The following CDH20 variants were observed in gnomAD, a reference collection of about 807,000 sequenced individuals.
CDH20 encodes the protein cadherin-20.
Under a neutral mutation model 74.2 loss-of-function variants are expected in CDH20, and 29 were observed. That is an observed-to-expected ratio of 0.39 (90% CI 0.29 to 0.53). CDH20 has a LOEUF of 0.53. Among genes scored for constraint, CDH20 ranks in the 20% least tolerant of loss-of-function variants. The probability of loss-of-function intolerance (pLI) is 0.69; values close to 1 mark genes in which losing one functional copy is unlikely to be tolerated. For missense variants in CDH20, 988 were observed against 1,048.3 expected, an observed-to-expected ratio of 0.94 and a Z score of 0.79; for synonymous variants, 469 against 405.4, an observed-to-expected ratio of 1.16 and a Z score of -1.88.
intron 1 of CDH20, among the ~76,000 whole-genome samples, chr18:61,427,054 T>A (rs1913094966): frequency 6.6e-6 from 1 of 151,984 alleles, no homozygotes; most frequent in Admixed American, 6.6e-5. Flanking sequence ...ACAGAAGAAT[T>A]AAGAAAATAT....
intron 1 of CDH20, among the ~76,000 whole-genome samples, chr18:61,379,764 A>G (rs989901111): frequency 1.3e-5 from 2 of 152,130 alleles, no homozygotes; most frequent in Admixed American, 1.3e-4. Flanking sequence ...GTCCTGATGT[A>G]ATTTGCTGAC....
intron 2 of CDH20, among the ~76,000 whole-genome samples, chr18:61,497,719 T>C (rs1171942788): frequency 1.3e-5 from 2 of 152,192 alleles, no homozygotes; most frequent in Non-Finnish European, 2.9e-5. Flanking sequence ...CTCACACTTA[T>C]AAGGAAATTA....
intron 1 of CDH20, among the ~76,000 whole-genome samples, chr18:61,373,869 C>T (rs1257377630): frequency 2.0e-5 from 3 of 152,114 alleles, no homozygotes; most frequent in African/African-American, 7.2e-5. Flanking sequence ...TTTATCTTCT[C>T]AAGGGAAACA....
chr18:61,498,694 C>T (rs1385894893), intron 2 of CDH20, among the ~76,000 whole-genome samples: 1 of 152,194 alleles, frequency 6.6e-6, no homozygotes, highest in Non-Finnish European at 1.5e-5. Flanking sequence ...CACTGCAGTG[C>T]CCTTAACCTT....
chr18:61,530,168 T>C (rs763209517), intron 7 of CDH20, among the ~76,000 whole-genome samples: 3 of 152,200 alleles, frequency 2.0e-5, no homozygotes, highest in Non-Finnish European at 4.4e-5. Flanking sequence ...GAGGAATTCT[T>C]ATTGCTAGGT....
intron 6 of CDH20, among the ~76,000 whole-genome samples, chr18:61,518,568 C>A (rs1285521390): frequency 6.6e-6 from 1 of 151,360 alleles, no homozygotes; most frequent in African/African-American, 2.5e-5. Flanking sequence ...AAAGGAATAA[C>A]ATTAATATCA....
Position 61,392,951 on chromosome 18 carries a change from C to G in CDH20, c.-153+59124C>G, listed in dbSNP as rs562653758. ...CAGAAACAAGAGGGCAGTCTCATCC[C>G]CAGTGGCAGGATCACTGCCCAAGTC... On this transcript the variant is annotated intron_variant, in intron 1 of 11. Coordinates refer to ENST00000262717, the MANE Select transcript of CDH20 (RefSeq NM_031891.4). 1.4e-3 allele frequency among the ~76,000 whole-genome samples: 216 copies of G among 152,284 alleles called. 2 individuals are homozygous for G. The highest frequency in any genetic ancestry group is 5.0e-3 in the African/African-American group (207 of 41,558).
intron 2 of CDH20, among the ~76,000 whole-genome samples, chr18:61,498,187 G>T (rs1434613829): frequency 6.6e-6 from 1 of 152,006 alleles, no homozygotes; most frequent in East Asian, 1.9e-4. Context: ...ATCACCTGAG[G>T]TCAGGAGTTC....
At chr18:61,364,470 A>G (rs1376635017) in intron 1 of CDH20, among the ~76,000 whole-genome samples, 1 of 152,020 alleles carries the variant, frequency 6.6e-6, no homozygotes, top group Non-Finnish European at 1.5e-5. Context: ...GCGCCACCAC[A>G]CCCAGCTAAC....
chr18:61,377,205 G>T (rs1189081475), intron 1 of CDH20, among the ~76,000 whole-genome samples: 1 of 152,014 alleles, frequency 6.6e-6, no homozygotes, highest in East Asian at 1.9e-4. Flanking sequence ...GCAATTTGTT[G>T]TAGAGGTTGT....
At chr18:61,364,705 C>T (rs112034884) in intron 1 of CDH20, among the ~76,000 whole-genome samples, 1,561 of 152,316 alleles carry the variant, frequency 0.01, 12 homozygotes, top group Middle Eastern at 0.02. Flanking sequence ...GTGATCTCTG[C>T]GCATGTCAGC....
Position 61,463,984 on chromosome 18 carries a change from G to A in CDH20, c.-152-26418G>A, listed in dbSNP as rs528897194. ...ACACCTTGTTAGCTATCCATTAAAT[G>A]AGATAACATATGTAAAGCACCCAGC... On this transcript the variant is annotated intron_variant, in intron 1 of 11. Transcript: ENST00000262717. 1.3e-3 allele frequency among the ~76,000 whole-genome samples: 192 copies of A among 152,254 alleles called. 1 individual carries two copies. The highest frequency in any genetic ancestry group is 4.4e-3 in the African/African-American group (184 of 41,536).
In CDH20 at chr18:61,516,378, T is replaced by C. The variant is rs1374927710; in HGVS notation, c.1017+8818T>C. 2.0e-5 allele frequency among the ~76,000 whole-genome samples: 3 copies of C among 151,976 alleles called. No homozygotes were observed. The East Asian group carries it at 5.8e-4, about 29-fold the overall frequency. Reference sequence around the variant, plus strand: ...AGCTTTTGCCCTTGAGTATGGGGAGTGGGATCAACACAGAAAGAAATATTT... The same window carrying C: ...AGCTTTTGCCCTTGAGTATGGGGAGCGGGATCAACACAGAAAGAAATATTT... On this transcript the variant is annotated intron_variant, in intron 6 of 11. Coordinates refer to ENST00000262717, the MANE Select transcript of CDH20 (RefSeq NM_031891.4).
chr18:61,500,527 G>A, intron 4 of CDH20, 25 bp downstream of exon 4: 1 of 1,594,162 alleles, frequency 6.3e-7, no homozygotes, highest in Non-Finnish European at 8.6e-7. Flanking sequence ...GGTCGAGTCA[G>A]AGGTGTTTAT....
At chr18:61,480,800 C>T (rs1246575432) in intron 1 of CDH20, among the ~76,000 whole-genome samples, 1 of 152,204 alleles carries the variant, frequency 6.6e-6, no homozygotes, top group Admixed American at 6.5e-5. Flanking sequence ...CTTTACATTA[C>T]AAGTGATCTC....
chr18:61,381,284 T>G (rs1430112064), intron 1 of CDH20, among the ~76,000 whole-genome samples: 1 of 152,198 alleles, frequency 6.6e-6, no homozygotes, highest in African/African-American at 2.4e-5. Flanking sequence ...AACAAGCAGA[T>G]TTAAAGGTAT....
chr18:61,539,766 C>T (rs1912961445), intron 9 of CDH20, among the ~76,000 whole-genome samples: 1 of 152,156 alleles, frequency 6.6e-6, no homozygotes, highest in African/African-American at 2.4e-5. Flanking sequence ...TATTTAGGGA[C>T]TCCCTGGCCT....
At chr18:61,389,164 C>T (rs1271300620) in intron 1 of CDH20, among the ~76,000 whole-genome samples, 2 of 152,160 alleles carry the variant, frequency 1.3e-5, no homozygotes, top group East Asian at 3.9e-4. Context: ...CGATTACCTG[C>T]TTTACATAGT....
At chr18:61,390,528 A>T (rs2144201616) in intron 1 of CDH20, among the ~76,000 whole-genome samples, 1 of 152,316 alleles carries the variant, frequency 6.6e-6, no homozygotes, top group South Asian at 2.1e-4. Context: ...ATAACCAGGA[A>T]GACTTGACAA....
Sources: gnomAD v4.1 joint callset for allele counts (sites outside exome capture counted in the v4.1 genomes callset) on GRCh38, gnomAD v4.1.1 for gene constraint, MANE v1.5 for transcripts, NCBI Gene and HGNC (gene_info 2026-07-23, HGNC 2026-07-21) for gene names.